The following ARRB1 variants were observed in gnomAD, a reference collection of about 807,000 sequenced individuals.
The protein encoded by ARRB1 is beta-arrestin-1.
A neutral mutation model predicts 56.8 loss-of-function variants in ARRB1; 21 were observed. That is an observed-to-expected ratio of 0.37 (90% CI 0.26 to 0.53). The LOEUF (loss-of-function observed/expected upper bound fraction) is 0.53, where lower values mean the gene tolerates loss of function less well. ARRB1 is among the 20% of genes least tolerant of loss of function. ARRB1 has a pLI of 0.88. For missense variants in ARRB1, 424 were observed against 553.7 expected, an observed-to-expected ratio of 0.77 and a Z score of 2.35; for synonymous variants, 210 against 218.6, an observed-to-expected ratio of 0.96 and a Z score of 0.35.
intron 5 of ARRB1, 61 bp downstream of exon 5, chr11:75,283,226 C>T (rs1422626470): frequency 6.5e-7 from 1 of 1,529,298 alleles, no homozygotes; most frequent in African/African-American, 1.4e-5. Flanking sequence ...TATGCCCACC[C>T]CAGAGGGCTT....
At chr11:75,309,682 C>T (rs1473128992) in intron 1 of ARRB1, among the ~76,000 whole-genome samples, 1 of 152,126 alleles carries the variant, frequency 6.6e-6, no homozygotes, top group African/African-American at 2.4e-5. Flanking sequence ...TATGAGGAGT[C>T]CTGGGGAGAC....
At position 75,278,222 on chromosome 11, in the gene ARRB1, G is replaced by T. The variant is rs35773729; in HGVS notation, c.618+387C>A. 3.7e-3 allele frequency among the ~76,000 whole-genome samples: 558 copies of T among 152,322 alleles called. 6 individuals carry two copies. The highest frequency in any genetic ancestry group is 0.013 in the African/African-American group (542 of 41,582). ...GGAGGCCCTTCCTTCTGCAGGGCTT[G>T]TCGCCCTGACGCTCAGTGTTTGGCA... On this transcript the variant is annotated intron_variant, in intron 8 of 15. Transcript: ENST00000420843.
chr11:75,327,251 G>A (rs376035715), intron 1 of ARRB1, among the ~76,000 whole-genome samples: 1 of 132,058 alleles, frequency 7.6e-6, no homozygotes, highest in Non-Finnish European at 1.5e-5. Flanking sequence ...GCAGTGAGCC[G>A]AGATGGCGCC....
chr11:75,284,992 A>T (rs911277656), intron 3 of ARRB1, among the ~76,000 whole-genome samples: 7 of 152,250 alleles, frequency 4.6e-5, no homozygotes, highest in African/African-American at 1.7e-4. Context: ...CCTTATTATT[A>T]AAGCCATTAA....
At chr11:75,307,103 G>A (rs1036732400) in intron 1 of ARRB1, among the ~76,000 whole-genome samples, 2 of 152,146 alleles carry the variant, frequency 1.3e-5, no homozygotes, top group Non-Finnish European at 2.9e-5. Context: ...GCTGCAGAGG[G>A]CCTTCTTGCA....
intron 15 of ARRB1, 53 bp downstream of exon 15, chr11:75,267,599 C>T (rs942338652): frequency 1.4e-6 from 2 of 1,410,216 alleles, no homozygotes; most frequent in Non-Finnish European, 2.0e-6. Context: ...ACCCCCTCCA[C>T]CCCGCCCACC....
intron 1 of ARRB1, among the ~76,000 whole-genome samples, chr11:75,348,819 A>C (rs972747028): frequency 5.3e-5 from 8 of 152,092 alleles, no homozygotes; most frequent in Non-Finnish European, 1.2e-4. Context: ...CGAACTCCTG[A>C]GCTCAAGCAA....
chr11:75,266,666 T>C (rs559811866), intron 15 of ARRB1, among the ~76,000 whole-genome samples: 1 of 152,280 alleles, frequency 6.6e-6, no homozygotes, highest in South Asian at 2.1e-4. Flanking sequence ...TCACAGCATG[T>C]TCTGAATCCC....
At chr11:75,325,655 G>A (rs1947419535) in intron 1 of ARRB1, among the ~76,000 whole-genome samples, 1 of 152,138 alleles carries the variant, frequency 6.6e-6, no homozygotes, top group African/African-American at 2.4e-5. Context: ...ATCTCAACAG[G>A]CATGACACTT....
chr11:75,341,626 G>A, intron 1 of ARRB1, among the ~76,000 whole-genome samples: 1 of 152,196 alleles, frequency 6.6e-6, no homozygotes. Flanking sequence ...CAAACCTCCT[G>A]CCTCTAGCTC....
chr11:75,267,705 TA>T lies in ARRB1; in HGVS notation c.1094-3del. 1.6e-6 allele frequency: 1 copy of T among 634,500 alleles called. No homozygotes were observed. Among genetic ancestry groups the T allele is most frequent in the Non-Finnish European group, 2.9e-6 (1 of 345,648 alleles). 39.3% of individuals were successfully genotyped at this position (634,500 alleles called of 1,614,324 possible). On this transcript the variant is annotated splice_polypyrimidine_tract_variant and splice_region_variant and intron_variant, in intron 14 of 15. Transcript: ENST00000420843. ...CTACTGGCGTCTCGTTCTCTGGAACTAAACACAGGGTGGGTGGGCAGGGTGT... is the reference window on the plus strand; with the variant it reads ...CTACTGGCGTCTCGTTCTCTGGAACTAACACAGGGTGGGTGGGCAGGGTGT...
In ARRB1 at chr11:75,308,760, G is replaced by T. The variant is rs538932903; in HGVS notation, c.21-18721C>A. ...AATCCATCTCAAAAAAAAAAAAATA[G>T]CCCTACAGTAATATTTTTTTCTGGA... On this transcript the variant is annotated intron_variant, in intron 1 of 15. Transcript: ENST00000420843. Among the ~76,000 whole-genome samples, 3 of 151,604 alleles carry T rather than the reference G, an allele frequency of 2.0e-5. No individual in the cohort carries two copies. The East Asian group carries it at 5.8e-4, about 29-fold the overall frequency.
At chr11:75,284,387 C>T in intron 3 of ARRB1, 108 bp from the exon 4 acceptor site, 1 of 1,180,676 alleles carries the variant, frequency 8.5e-7, no homozygotes, top group Non-Finnish European at 1.2e-6. Flanking sequence ...CATCTAAAAT[C>T]ATCCTGAGAA....
chr11:75,283,757 G>A (rs1472331900), intron 4 of ARRB1, among the ~76,000 whole-genome samples: 1 of 152,184 alleles, frequency 6.6e-6, no homozygotes, highest in Admixed American at 6.5e-5. Context: ...GGAGGGGTAT[G>A]GAAACGGTCT....
intron 14 of ARRB1, among the ~76,000 whole-genome samples, chr11:75,268,527 A>G (rs985943473): frequency 1.2e-4 from 17 of 138,038 alleles, no homozygotes; most frequent in Non-Finnish European, 2.0e-4. Context: ...AAAAAAAAAA[A>G]AAAAAAAAAG....
intron 11 of ARRB1, 47 bp downstream of exon 11, chr11:75,274,011 GAGGGTGTGGCCCCATC>G (rs1300690807): frequency 6.2e-7 from 1 of 1,608,416 alleles, no homozygotes. Flanking sequence ...GGGGACCAAG[GAGGGTGTGGCCCCATC>G]AGGCAAGATG....
At chr11:75,270,357 C>T (rs1199559967) in intron 13 of ARRB1, among the ~76,000 whole-genome samples, 2 of 152,190 alleles carry the variant, frequency 1.3e-5, no homozygotes, top group African/African-American at 2.4e-5. Flanking sequence ...AGGCTGGGCG[C>T]GGTGGCTCAC....
chr11:75,305,192 C>T (rs1305466470), intron 1 of ARRB1, among the ~76,000 whole-genome samples: 1 of 150,072 alleles, frequency 6.7e-6, no homozygotes, highest in African/African-American at 2.5e-5. Context: ...CCACCACGCC[C>T]ACCCAGCTAA....
intron 1 of ARRB1, among the ~76,000 whole-genome samples, chr11:75,302,178 G>T (rs1048415676): frequency 1.0e-4 from 15 of 150,568 alleles, no homozygotes; most frequent in African/African-American, 3.8e-4. Context: ...AGGCCAGAGG[G>T]GTCAGGGGTG....
Sources: allele counts gnomAD v4.1 joint callset (sites outside exome capture counted in the v4.1 genomes callset), GRCh38; gene constraint gnomAD v4.1.1; transcripts MANE v1.5; gene names NCBI Gene and HGNC (gene_info 2026-07-23, HGNC 2026-07-21).